The following SMC4 variants were observed in gnomAD, a reference collection of about 807,000 sequenced individuals.
SMC4 encodes structural maintenance of chromosomes 4.
SMC4 carries 87 observed loss-of-function variants against 145.6 expected under a neutral mutation model. The ratio of observed to expected loss-of-function variants is 0.60; its 90% confidence interval spans 0.50 to 0.71. The LOEUF (loss-of-function observed/expected upper bound fraction) is 0.71. Among genes scored for constraint, SMC4 ranks in the 30% least tolerant of loss-of-function variants. The pLI is 0.00. For missense variants in SMC4, 1,447 were observed against 1,537.1 expected (o/e 0.94, Z 0.98); for synonymous variants, 558 against 500.7 (o/e 1.11, Z -1.53).
At chr3:160,407,931 G>A (rs560834168) in intron 5 of SMC4, among the ~76,000 whole-genome samples, 8 of 152,212 alleles carry the variant, frequency 5.3e-5, no homozygotes, top group South Asian at 2.1e-4. Flanking sequence ...ACTAACCTTG[G>A]TGGTTTAGTT....
rs149182899 is a variant in SMC4 at position 160,412,169 on chromosome 3, T to C, written c.852+85T>C. 2.0e-4 allele frequency: 297 copies of C among 1,470,960 alleles called. 1 individual carries two copies. In the African/African-American group the frequency reaches 3.6e-3, roughly 18 times the overall value. 91.1% of individuals were successfully genotyped at this position (1,470,960 alleles called of 1,614,324 possible). ...TTTAGTAAGTCAGATATTCATGTTA[T>C]AATACTTAATGAAGAAGTGTTATAT... On this transcript the variant is annotated intron_variant, in intron 6 of 23. Transcript: ENST00000357388.
At position 160,419,402 on chromosome 3, in the gene SMC4, T is replaced by G. The variant is rs1401054514; in HGVS notation, c.1716T>G (p.Phe572Leu). The part of the protein sequence containing the change: ...LQKLTQEETN[F>L]KSLVHDLFQK... ...AACTTACACAAGAAGAAACAAACTT[T>G]AAAAGTTTGGTTCATGATCTCTTTC... The change falls in exon 12 of 24, where the codon TTT becomes TTG. Residue 572 changes from phenylalanine (F) to leucine (L), a missense_variant. Phe to Leu is a conservative substitution (Grantham distance 22, BLOSUM62 0). Transcript: ENST00000357388. 1 of 1,605,018 alleles carries G rather than the reference T, an allele frequency of 6.2e-7. No homozygotes were observed. Among genetic ancestry groups the G allele is most frequent in the South Asian group, 1.1e-5 (1 of 88,430 alleles).
chr3:160,416,453 CTTTT>C, intron 10 of SMC4, 38 bp downstream of exon 10: 2 of 1,006,090 alleles, frequency 2.0e-6, no homozygotes, highest in Non-Finnish European at 2.7e-6. Flanking sequence ...ATTTTGGTGG[CTTTT>C]TTTTTTTTAA....
Position 160,423,573 on chromosome 3 carries a change from A to G in SMC4, c.2168A>G (p.Gln723Arg), listed in dbSNP as rs759340534. Residue 723 changes from glutamine to arginine, a missense_variant, in exon 14 of 24, where the codon CAA becomes CGA. Gln to Arg is a conservative substitution (Grantham distance 43). Transcript: ENST00000357388. Reference sequence around the variant, plus strand: ...ACCTTAGTAGCTGACAACTTGGATCAAGCCACAAGAGTAGCATATCAAAAA... The same window carrying G: ...ACCTTAGTAGCTGACAACTTGGATCGAGCCACAAGAGTAGCATATCAAAAA... ...RDTLVADNLD[Q>R]ATRVAYQKDR... 4 of 1,613,982 alleles carry G rather than the reference A, an allele frequency of 2.5e-6. No individual in the cohort carries two copies. In the East Asian group the frequency reaches 8.9e-5, roughly 36 times the overall value.
chr3:160,409,004 C>T (rs1377004922), intron 5 of SMC4, among the ~76,000 whole-genome samples: 2 of 151,964 alleles, frequency 1.3e-5, no homozygotes, highest in African/African-American at 2.4e-5. Context: ...AATCTTAAGA[C>T]TGCTGTAATC....
intron 23 of SMC4, 86 bp from the exon 24 acceptor site, chr3:160,433,571 T>G (rs1486642668): frequency 2.5e-6 from 2 of 787,448 alleles, no homozygotes; most frequent in Non-Finnish European, 4.0e-6. Flanking sequence ...ATGTAATGTT[T>G]ATTGTCCAAA....
intron 16 of SMC4, 120 bp downstream of exon 16, chr3:160,425,139 A>C (rs1717645198): frequency 1.5e-6 from 2 of 1,346,068 alleles, no homozygotes; most frequent in African/African-American, 1.5e-5. Context: ...GGGAGGGAGG[A>C]TCTATAGGCA....
intron 20 of SMC4, 152 bp downstream of exon 20, chr3:160,431,357 G>C: frequency 1.5e-6 from 1 of 688,136 alleles, no homozygotes; most frequent in South Asian, 2.2e-5. Flanking sequence ...AAGGTTTATA[G>C]GGGACATAAC....
intron 10 of SMC4, 122 bp downstream of exon 10, chr3:160,416,537 C>A: frequency 1.8e-6 from 1 of 547,012 alleles, no homozygotes; most frequent in South Asian, 3.8e-5. Flanking sequence ...GTCCAACATT[C>A]CTAAAACTAG....
At chr3:160,412,854 G>T in intron 7 of SMC4, 1 of 976,234 alleles carries the variant, frequency 1.0e-6, no homozygotes, top group Non-Finnish European at 1.2e-6. Context: ...TGGGAGGTAG[G>T]TTCACAGGTA....
chr3:160,427,722 A>G (rs1717944346), intron 17 of SMC4, among the ~76,000 whole-genome samples: 1 of 152,200 alleles, frequency 6.6e-6, no homozygotes, highest in Non-Finnish European at 1.5e-5. Flanking sequence ...TCAACTATTG[A>G]ACATATTCAT....
intron 5 of SMC4, among the ~76,000 whole-genome samples, chr3:160,410,335 T>C (rs1715848742): frequency 6.6e-6 from 1 of 152,168 alleles, no homozygotes. Context: ...GTGCCACTGT[T>C]GATAAACCCT....
chr3:160,430,562 C>A, intron 18 of SMC4, 37 bp from the exon 19 acceptor site: 2 of 1,506,330 alleles, frequency 1.3e-6, no homozygotes, highest in South Asian at 2.7e-5. Context: ...AACAAATCAC[C>A]TTACCACATT....
Position 160,409,603 on chromosome 3 carries a change from T to C in SMC4, c.688-2317T>C, listed in dbSNP as rs117387582. ...CCAACTTTTAGCTATCTGAAAAATG[T>C]ATACTTAAATAATACATTATGGCCA... is the stretch of plus-strand genomic sequence containing the variant. On this transcript the variant is annotated intron_variant, in intron 5 of 23. Transcript: ENST00000357388. Among the ~76,000 whole-genome samples the C allele has an allele frequency of 5.8e-4, 89 of 152,338 alleles. No individual in the cohort carries two copies. In the East Asian group the frequency reaches 0.016, roughly 27 times the overall value.
intron 8 of SMC4, 95 bp downstream of exon 8, chr3:160,413,708 G>A (rs1716272321): frequency 4.0e-6 from 3 of 748,588 alleles, no homozygotes; most frequent in Non-Finnish European, 5.9e-6. Context: ...GTGAGTGTAA[G>A]ACATTTGCCA....
chr3:160,424,742 G>A (rs535418482), intron 15 of SMC4, 125 bp from the exon 16 acceptor site: 12 of 963,946 alleles, frequency 1.2e-5, no homozygotes, highest in Admixed American at 1.2e-4. Flanking sequence ...CCCGGGAGGC[G>A]GAGGTTGCAG....
intron 1 of SMC4, chr3:160,400,291 G>C (rs1407125541): frequency 6.6e-6 from 1 of 152,456 alleles, no homozygotes; most frequent in African/African-American, 2.4e-5. Context: ...GGCCGTCAAC[G>C]GCGCCAGGAG....
Position 160,434,916 on chromosome 3 carries a change from T to C in SMC4, c.*1107T>C, listed in dbSNP as rs544637274. On this transcript the variant is annotated 3_prime_UTR_variant, in exon 24 of 24. Transcript: ENST00000357388. ...TAACTGTAAAAATGTAAACACATTA[T>C]TAGCATGGACTTTTAAATAAAGATT... 1.2e-4 allele frequency: 18 copies of C among 152,286 alleles called. No homozygotes were observed. In the South Asian group the frequency reaches 3.5e-3, roughly 30 times the overall value. 9.4% of individuals were successfully genotyped at this position (152,286 alleles called of 1,614,324 possible).
rs368691169 is a variant in SMC4 at position 160,431,742 on chromosome 3, A to T, written c.3214A>T (p.Ile1072Leu). The change falls in exon 21 of 24, where the codon ATA (isoleucine) becomes TTA (leucine). Residue 1072 changes from isoleucine (I) to leucine (L), a missense_variant. By Grantham distance (5) the Ile-to-Leu change is conservative. Coordinates refer to ENST00000357388, the MANE Select transcript of SMC4 (RefSeq NM_001002800.3). ...TGAAGCGATCAAGAATCCAGATTCT[A>T]TAACAAATCAAATTGCACTTTTGGA... Reference protein sequence around the residue: ...DLEAIKNPDSITNQIALLEAR... With the variant: ...DLEAIKNPDSLTNQIALLEAR... 6.2e-7 allele frequency: 1 copy of T among 1,614,068 alleles called. No homozygotes were observed. The highest frequency in any genetic ancestry group is 8.5e-7 in the Non-Finnish European group (1 of 1,180,014).
Sources: allele counts gnomAD v4.1 joint callset (sites outside exome capture counted in the v4.1 genomes callset), GRCh38; gene constraint gnomAD v4.1.1; transcripts MANE v1.5; gene names NCBI Gene and HGNC (gene_info 2026-07-23, HGNC 2026-07-21).